Variants in CCDC61 observed in about 807,000 individuals in gnomAD.
The protein encoded by CCDC61 is coiled-coil domain containing 61, also known as centrosomal protein CCDC61.
Under a neutral mutation model 63.0 loss-of-function variants are expected in CCDC61, and 55 were observed. The observed-to-expected ratio is 0.87, with a 90% CI of 0.70 to 1.09. The LOEUF (loss-of-function observed/expected upper bound fraction) is 1.09, where lower values mean the gene tolerates loss of function less well. Among genes scored for constraint, CCDC61 ranks in the 50% least tolerant of loss-of-function variants. The pLI is 0.00. For missense variants in CCDC61, 651 were observed against 731.4 expected (o/e 0.89, Z 1.27); for synonymous variants, 270 against 317.0 (o/e 0.85, Z 1.58).
intron 1 of CCDC61, among the ~76,000 whole-genome samples, chr19:46,002,241 G>A (rs1180911191): frequency 2.0e-5 from 3 of 152,130 alleles, no homozygotes; most frequent in Middle Eastern, 3.4e-3. Flanking sequence ...ACCGCACCTG[G>A]CCTGCTCTGA....
intron 1 of CCDC61, among the ~76,000 whole-genome samples, chr19:46,002,663 TGCCTCA>T (rs1304127804): frequency 3.3e-5 from 5 of 151,968 alleles, no homozygotes; most frequent in Non-Finnish European, 7.4e-5. Flanking sequence ...GTGATCCTCC[TGCCTCA>T]GCCTCCCAAA....
chr19:46,008,358 G>T (rs896104563), intron 5 of CCDC61, 57 bp downstream of exon 5: 8 of 958,092 alleles, frequency 8.3e-6, no homozygotes, highest in African/African-American at 1.7e-5. Flanking sequence ...ATCATGCACC[G>T]CGGGGCCCAT....
At chr19:45,996,999 C>T (rs1021070742) in intron 1 of CCDC61, among the ~76,000 whole-genome samples, 2 of 152,188 alleles carry the variant, frequency 1.3e-5, no homozygotes, top group Non-Finnish European at 2.9e-5. Context: ...TCACCATATC[C>T]ACGAGGCCCC....
chr19:46,014,985 C>T, intron 5 of CCDC61, 64 bp from the exon 6 acceptor site: 3 of 1,342,998 alleles, frequency 2.2e-6, no homozygotes, highest in South Asian at 1.3e-5. Context: ...GCGTCCCACC[C>T]CCATGGAGTA....
intron 5 of CCDC61, among the ~76,000 whole-genome samples, chr19:46,011,280 A>G (rs1176437510): frequency 6.6e-6 from 1 of 151,918 alleles, no homozygotes; most frequent in Admixed American, 6.6e-5. Flanking sequence ...GAACTTCTGA[A>G]TTCAAGCCAT....
chr19:46,002,295 C>A (rs778786804), intron 1 of CCDC61, among the ~76,000 whole-genome samples: 5 of 151,924 alleles, frequency 3.3e-5, no homozygotes, highest in Admixed American at 1.3e-4. Flanking sequence ...ATACCCCCGT[C>A]CCTCTTTCCA....
chr19:45,999,510 G>C (rs1968552160), intron 1 of CCDC61, among the ~76,000 whole-genome samples: 1 of 152,092 alleles, frequency 6.6e-6, no homozygotes, highest in Non-Finnish European at 1.5e-5. Flanking sequence ...GGGAGCTGCA[G>C]AGTGTGGGGA....
chr19:46,005,883 G>A (rs774132279), intron 3 of CCDC61, among the ~76,000 whole-genome samples: 19 of 151,488 alleles, frequency 1.3e-4, no homozygotes, highest in African/African-American at 2.7e-4. Context: ...CGAGACCATC[G>A]TCATACTTTG....
At chr19:45,999,616 G>T (rs549919782) in intron 1 of CCDC61, among the ~76,000 whole-genome samples, 1 of 152,268 alleles carries the variant, frequency 6.6e-6, no homozygotes, top group South Asian at 2.1e-4. Context: ...GCCCAGCGTG[G>T]AGAGTTTTCA....
chr19:46,006,633 C>T lies in CCDC61; in HGVS notation c.306C>T (p.Gly102=). ...LESLRNRKMG[G]RPGSLAPRSA... is the part of the protein sequence containing the mutation. ...CCCTGCGGAACCGCAAGATGGGGGG[C>T]CGCCCAGGCTCCTTGGCCCCCAGGT... The change falls in exon 4 of 14, where the codon GGC becomes GGT. Residue 102 remains glycine (G), a synonymous_variant. Coordinates refer to ENST00000595358, the MANE Select transcript of CCDC61 (RefSeq NM_001267723.2). 1 of 1,613,770 alleles carries T rather than the reference C, an allele frequency of 6.2e-7. No individual in the cohort carries two copies. Among genetic ancestry groups the T allele is most frequent in the African/African-American group, 1.3e-5 (1 of 75,064 alleles).
chr19:45,999,900 G>A (rs1968559213), intron 1 of CCDC61: 2 of 372,436 alleles, frequency 5.4e-6, no homozygotes, highest in Non-Finnish European at 7.4e-6. Flanking sequence ...TGACGTCATG[G>A]GTTGGTGAGG....
intron 11 of CCDC61, 89 bp downstream of exon 11, chr19:46,017,158 G>C: frequency 6.5e-7 from 1 of 1,535,460 alleles, no homozygotes; most frequent in Non-Finnish European, 8.9e-7. Context: ...GGGTGATGGA[G>C]CCTGGGGGCC....
Position 46,008,220 on chromosome 19 carries a change from AG to A in CCDC61, c.472del (p.Glu158AsnfsTer112). 1 of 1,605,276 alleles carries A rather than the reference AG, an allele frequency of 6.2e-7. No individual in the cohort carries two copies. Among genetic ancestry groups the A allele is most frequent in the Non-Finnish European group, 8.5e-7 (1 of 1,174,676 alleles). ...CAGGGCATCATCCGGTCACTGAAGG[AG>A]GAACTGGGCCGCCTGCAAGGGCTGG... ...VLQGIIRSLKEELGRLQGLDG... is the reference protein window; with the variant it reads ...VLQGIIRSLKXELGRLQGLDG... On this transcript the variant is annotated frameshift_variant, in exon 5 of 14. Transcript: ENST00000595358. LOFTEE classifies it high-confidence loss of function.
intron 12 of CCDC61, among the ~76,000 whole-genome samples, chr19:46,017,607 C>G (rs1568698897): frequency 6.6e-6 from 1 of 152,012 alleles, no homozygotes; most frequent in Non-Finnish European, 1.5e-5. Context: ...TTTATGTTGC[C>G]CAGGCTGGTC....
At chr19:45,997,989 C>G (rs1473207487) in intron 1 of CCDC61, among the ~76,000 whole-genome samples, 1 of 152,230 alleles carries the variant, frequency 6.6e-6, no homozygotes, top group Non-Finnish European at 1.5e-5. Flanking sequence ...GCCCGGTCCT[C>G]ACATCAATTA....
chr19:46,017,953 T>C (rs1284015263), intron 12 of CCDC61, 125 bp from the exon 13 acceptor site: 6 of 753,516 alleles, frequency 8.0e-6, no homozygotes, highest in Non-Finnish European at 1.3e-5. Context: ...AGATAATGAA[T>C]GGCCAGTAGG....
rs1214477692 is a variant in CCDC61, at chr19:45,995,515, G to A, written c.-12+11G>A. On this transcript the variant is annotated intron_variant, in intron 1 of 13. Coordinates refer to ENST00000595358, the MANE Select transcript of CCDC61 (RefSeq NM_001267723.2). ...TTGCTAGTGGAGAAGGTGAGAGGCC[G>A]CGGGAGTGGCGGTTGCGCGGGCCGT... 4 of 518,254 alleles carry A rather than the reference G, an allele frequency of 7.7e-6. No individual in the cohort carries two copies. The highest frequency in any genetic ancestry group is 3.4e-4 in the Middle Eastern group (1 of 2,966). The allele number at this position is 518,254 out of a possible 1,614,324, so 32.1% of individuals were successfully genotyped here.
intron 5 of CCDC61, among the ~76,000 whole-genome samples, chr19:46,009,326 G>A (rs1165252959): frequency 1.3e-5 from 2 of 152,100 alleles, no homozygotes; most frequent in South Asian, 2.1e-4. Context: ...GATCGCTACC[G>A]GGAAGAGGCC....
At chr19:46,001,891 T>G (rs1268628544) in intron 1 of CCDC61, among the ~76,000 whole-genome samples, 4 of 152,240 alleles carry the variant, frequency 2.6e-5, no homozygotes, top group Admixed American at 2.6e-4. Context: ...ATCCCTTACC[T>G]GGAGTTTCAA....
Sources: allele counts gnomAD v4.1 joint callset (sites outside exome capture counted in the v4.1 genomes callset), GRCh38; gene constraint gnomAD v4.1.1; transcripts MANE v1.5; gene names NCBI Gene and HGNC (gene_info 2026-07-23, HGNC 2026-07-21).